The following CNTN5 variants were observed in gnomAD, a reference collection of about 807,000 sequenced individuals.
The protein encoded by CNTN5 is contactin 5, also known as contactin-5.
CNTN5 carries 77 observed loss-of-function variants against 129.1 expected under a neutral mutation model. The observed-to-expected ratio is 0.60, with a 90% CI of 0.50 to 0.72. CNTN5 has a LOEUF of 0.72. Among genes scored for constraint, CNTN5 ranks in the 30% least tolerant of loss-of-function variants. The probability of loss-of-function intolerance (pLI) is 0.00; values close to 1 mark genes in which losing one functional copy is unlikely to be tolerated. For synonymous variants in CNTN5, 509 were observed against 465.6 expected (o/e 1.09, Z -1.20); for missense variants, 1,478 against 1,328.8 (o/e 1.11, Z -1.75).
chr11:99,808,220 C>G (rs969072800), intron 3 of CNTN5, among the ~76,000 whole-genome samples: 6 of 152,108 alleles, frequency 3.9e-5, no homozygotes, highest in Non-Finnish European at 4.4e-5. Context: ...TGTGCAAATA[C>G]TATGGATGAG....
At chr11:100,224,627 C>G (rs1949334010) in intron 15 of CNTN5, 65 bp from the exon 16 acceptor site, 1 of 1,531,974 alleles carries the variant, frequency 6.5e-7, no homozygotes, top group African/African-American at 1.4e-5. Flanking sequence ...CAAAGTTCCC[C>G]CTTAAGCCAC....
At chr11:99,412,819 G>A (rs1356725472) in intron 2 of CNTN5, among the ~76,000 whole-genome samples, 1 of 152,172 alleles carries the variant, frequency 6.6e-6, no homozygotes, top group Admixed American at 6.6e-5. Flanking sequence ...AAATGAGGCT[G>A]TATTTTTGTT....
chr11:99,104,020 G>C (rs114013536), intron 1 of CNTN5, among the ~76,000 whole-genome samples: 169 of 152,200 alleles, frequency 1.1e-3, no homozygotes, highest in African/African-American at 3.9e-3. Flanking sequence ...CAATTTTGTG[G>C]AATTCTTTTA....
intron 4 of CNTN5, among the ~76,000 whole-genome samples, chr11:99,834,767 C>T (rs780937468): frequency 9.2e-5 from 14 of 152,070 alleles, no homozygotes; most frequent in Non-Finnish European, 1.6e-4. Context: ...GATGGGGTTA[C>T]TACTAAGGCT....
chr11:99,030,609 T>C (rs1156678283), intron 1 of CNTN5, among the ~76,000 whole-genome samples: 1 of 152,178 alleles, frequency 6.6e-6, no homozygotes, highest in African/African-American at 2.4e-5. Flanking sequence ...TTTCACATAA[T>C]GTCTTTTGAA....
At chr11:99,530,751 A>G (rs1947669447) in intron 2 of CNTN5, among the ~76,000 whole-genome samples, 1 of 152,142 alleles carries the variant, frequency 6.6e-6, no homozygotes, top group African/African-American at 2.4e-5. Context: ...GAGATCTGAT[A>G]GGTTTATCAG....
chr11:99,777,882 A>C (rs559570161), intron 3 of CNTN5, among the ~76,000 whole-genome samples: 8 of 152,004 alleles, frequency 5.3e-5, no homozygotes, highest in African/African-American at 1.9e-4. Flanking sequence ...TATACAGATT[A>C]TATATAATAC....
rs1943041287 is a variant in CNTN5, at chr11:99,424,665, G to A, written c.-71+99181G>A. 1.3e-5 allele frequency among the ~76,000 whole-genome samples: 2 copies of A among 152,272 alleles called. 1 individual carries two copies. The highest frequency in any genetic ancestry group is 4.1e-4 in the South Asian group (2 of 4,836). On this transcript the variant is annotated intron_variant, in intron 2 of 24. Coordinates refer to ENST00000524871, the MANE Select transcript of CNTN5 (RefSeq NM_014361.4). Reference sequence around the variant, plus strand: ...GCTTGGAGATGCCAGGAATGGCAGAGCCCCAAAGAGGGTGTCACAGCCCTG... The same window carrying A: ...GCTTGGAGATGCCAGGAATGGCAGAACCCCAAAGAGGGTGTCACAGCCCTG...
At chr11:100,104,693 G>C (rs1228575383) in intron 13 of CNTN5, among the ~76,000 whole-genome samples, 3 of 152,140 alleles carry the variant, frequency 2.0e-5, no homozygotes, top group African/African-American at 7.2e-5. Context: ...AAAATAGCAA[G>C]TGTTTTCCTT....
intron 1 of CNTN5, among the ~76,000 whole-genome samples, chr11:99,105,843 A>G (rs1340556947): frequency 1.3e-5 from 2 of 152,162 alleles, no homozygotes; most frequent in African/African-American, 4.8e-5. Context: ...CTGAGGATAC[A>G]CTCAGAATTT....
At chr11:99,438,934 T>C (rs1461667550) in intron 2 of CNTN5, among the ~76,000 whole-genome samples, 2 of 152,208 alleles carry the variant, frequency 1.3e-5, no homozygotes, top group Non-Finnish European at 2.9e-5. Flanking sequence ...TGTGACGCTA[T>C]AGAACTGGTG....
At chr11:99,270,369 G>C (rs1301917584) in intron 1 of CNTN5, among the ~76,000 whole-genome samples, 4 of 151,688 alleles carry the variant, frequency 2.6e-5, no homozygotes, top group Non-Finnish European at 5.9e-5. Context: ...CTGTCGTTAT[G>C]CTATAATTCT....
intron 7 of CNTN5, among the ~76,000 whole-genome samples, chr11:99,937,415 C>T (rs994054646): frequency 2.0e-5 from 3 of 152,158 alleles, no homozygotes; most frequent in Non-Finnish European, 2.9e-5. Flanking sequence ...TCACTGGAAC[C>T]GTTCTTCCCC....
chr11:100,036,950 G>T (rs9736737), intron 9 of CNTN5, among the ~76,000 whole-genome samples: 6,310 of 149,282 alleles, frequency 0.042, 387 homozygotes, highest in African/African-American at 0.15. Context: ...CCTAATTGAA[G>T]ACCCTTTATT....
intron 18 of CNTN5, among the ~76,000 whole-genome samples, chr11:100,276,573 G>A (rs1657147957): frequency 6.8e-6 from 1 of 146,312 alleles, no homozygotes; most frequent in Non-Finnish European, 1.5e-5. Context: ...ACTCTTGATA[G>A]TCAGCAAAGC....
At chr11:99,919,780 A>G (rs73551374) in intron 7 of CNTN5, among the ~76,000 whole-genome samples, 14,162 of 151,502 alleles carry the variant, frequency 0.093, 1,395 homozygotes, top group African/African-American at 0.25. Flanking sequence ...TTCTGTCTCT[A>G]TAGTTTTGAC....
intron 8 of CNTN5, among the ~76,000 whole-genome samples, chr11:99,999,703 C>T (rs936903427): frequency 6.6e-6 from 1 of 152,132 alleles, no homozygotes; most frequent in South Asian, 2.1e-4. Context: ...AAGACACATG[C>T]ACACGTATGT....
At chr11:99,216,685 A>G (rs1422787220) in intron 1 of CNTN5, among the ~76,000 whole-genome samples, 1 of 152,166 alleles carries the variant, frequency 6.6e-6, no homozygotes, top group African/African-American at 2.4e-5. Flanking sequence ...ACTGGAAGAC[A>G]ACATTGGGGA....
At chr11:99,906,645 T>G (rs754049711) in intron 6 of CNTN5, among the ~76,000 whole-genome samples, 18 of 152,196 alleles carry the variant, frequency 1.2e-4, no homozygotes, top group Non-Finnish European at 1.9e-4. Flanking sequence ...GGTATCAGGA[T>G]GATGCTGCCC....
Sources: allele counts gnomAD v4.1 joint callset (sites outside exome capture counted in the v4.1 genomes callset), GRCh38; gene constraint gnomAD v4.1.1; transcripts MANE v1.5; gene names NCBI Gene and HGNC (gene_info 2026-07-23, HGNC 2026-07-21).